The following ANKRD30A variants were observed in gnomAD, a reference collection of about 807,000 sequenced individuals.
ANKRD30A encodes ankyrin repeat domain 30A.
A neutral mutation model predicts 166.3 loss-of-function variants in ANKRD30A; 170 were observed. That is an observed-to-expected ratio of 1.02 (90% confidence interval 0.90 to 1.16). The LOEUF is 1.16. Ranked by LOEUF, ANKRD30A falls within the 50% of genes most tolerant of loss-of-function variation. ANKRD30A has a pLI of 0.00. For synonymous variants in ANKRD30A, 564 were observed against 508.9 expected (o/e 1.11, Z -1.46); for missense variants, 1,630 against 1,518.0 (o/e 1.07, Z -1.23).
At chr10:37,213,154 C>T (rs940134103) in intron 31 of ANKRD30A, among the ~76,000 whole-genome samples, 4 of 151,656 alleles carry the variant, frequency 2.6e-5, no homozygotes, top group Non-Finnish European at 4.4e-5. Context: ...GTTCTCTTTG[C>T]CTATTATTTA....
chr10:37,217,736 A>G lies in ANKRD30A; in HGVS notation c.3125A>G (p.Asp1042Gly), dbSNP rs762584191. ...NQEEEKRRNA[D>G]ILNEKIREEL... ...GAAGAAGAGAAGAGAAGAAATGCCG[A>G]TATATTAAATGAAAAAATTAGGGAA... Residue 1042 changes from aspartate to glycine, a missense_variant, in exon 33 of 36, where the codon GAT (aspartate) becomes GGT (glycine). This residue lies in a region of ANKRD30A where 712 missense variants were observed against 629.3 expected (regional missense o/e 1.13). Transcript: ENST00000361713. 1.2e-5 allele frequency: 19 copies of G among 1,593,820 alleles called. No homozygotes were observed. The highest frequency in any genetic ancestry group is 9.4e-6 in the Non-Finnish European group (11 of 1,170,944).
chr10:37,195,708 C>A (rs1175990118), intron 27 of ANKRD30A, among the ~76,000 whole-genome samples: 1 of 152,170 alleles, frequency 6.6e-6, no homozygotes, highest in Non-Finnish European at 1.5e-5. Context: ...TCCTGACTAA[C>A]ACAGTGAAAC....
chr10:37,148,128 G>A (rs562326559), intron 9 of ANKRD30A, among the ~76,000 whole-genome samples: 1 of 152,206 alleles, frequency 6.6e-6, no homozygotes, highest in South Asian at 2.1e-4. Context: ...GTATCATTCA[G>A]CATAATTGAG....
rs746866972 is a variant in ANKRD30A, at chr10:37,133,998, G to A, written c.700G>A (p.Ala234Thr). Residue 234 changes from alanine (A) to threonine (T), a missense_variant, in exon 5 of 36, where the codon GCA becomes ACA. Physicochemically the swap from Ala to Thr is moderately conservative, Grantham distance 58. Coordinates refer to ENST00000361713, the MANE Select transcript of ANKRD30A (RefSeq NM_052997.3). ...LLQQNVDVFA[A>T]DICGVTAEHY... Reference sequence around the variant, plus strand: ...TCAGCAAAATGTTGACGTCTTTGCTGCAGATATATGTGGAGTAACTGCAGA... The same window carrying A: ...TCAGCAAAATGTTGACGTCTTTGCTACAGATATATGTGGAGTAACTGCAGA... 1 of 1,613,994 alleles carries A rather than the reference G, an allele frequency of 6.2e-7. No individual in the cohort carries two copies.
At chr10:37,224,326 T>A (rs1314447102) in intron 34 of ANKRD30A, among the ~76,000 whole-genome samples, 3 of 151,182 alleles carry the variant, frequency 2.0e-5, no homozygotes, top group Non-Finnish European at 4.4e-5. Context: ...ATTATCTTGA[T>A]TAACGTTTCT....
At chr10:37,164,585 C>T (rs894179578) in intron 17 of ANKRD30A, among the ~76,000 whole-genome samples, 8 of 151,956 alleles carry the variant, frequency 5.3e-5, no homozygotes, top group Admixed American at 6.6e-5. Flanking sequence ...TCATAGCATA[C>T]GGAAATGTAA....
chr10:37,156,929 T>G (rs894288647), intron 13 of ANKRD30A, among the ~76,000 whole-genome samples: 10 of 152,186 alleles, frequency 6.6e-5, no homozygotes, highest in Non-Finnish European at 1.5e-4. Flanking sequence ...TTAAAATGGT[T>G]AGACATAAAT....
At chr10:37,220,024 TATATA>T (rs1194879950) in intron 34 of ANKRD30A, 127 bp downstream of exon 34, 1 of 145,652 alleles carries the variant, frequency 6.9e-6, no homozygotes, top group Non-Finnish European at 1.3e-5. Context: ...TATATATATA[TATATA>T]ATATATGTAT....
intron 31 of ANKRD30A, among the ~76,000 whole-genome samples, chr10:37,203,946 T>C (rs1841820353): frequency 6.6e-6 from 1 of 152,244 alleles, no homozygotes; most frequent in South Asian, 2.1e-4. Flanking sequence ...GTGAAGGACC[T>C]CTTCAAGGAG....
intron 24 of ANKRD30A, chr10:37,177,668 TCTCTG>T (rs1171916441): frequency 7.9e-7 from 1 of 1,271,598 alleles, no homozygotes; most frequent in Non-Finnish European, 1.1e-6. Context: ...TTTAACAGAG[TCTCTG>T]TGAGACTGTT....
intron 12 of ANKRD30A, 96 bp from the exon 13 acceptor site, chr10:37,153,476 T>C (rs568906899): frequency 9.0e-6 from 14 of 1,561,896 alleles, no homozygotes; most frequent in Non-Finnish European, 1.2e-5. Context: ...AAGGAGGAAA[T>C]TGTGTTTTTA....
chr10:37,264,652 T>C, the ANKRD30A span: 4 of 256,798 alleles, frequency 1.6e-5, no homozygotes, highest in Non-Finnish European at 2.3e-5. Flanking sequence ...GTATGCCAGA[T>C]TGGAAGTTTG....
chr10:37,144,868 A>G, intron 7 of ANKRD30A, 127 bp from the exon 8 acceptor site: 1 of 595,794 alleles, frequency 1.7e-6, no homozygotes, highest in South Asian at 2.8e-5. Flanking sequence ...GTGGTTATCT[A>G]CCAATAGAAT....
At chr10:37,172,559 T>TA (rs1839665693) in intron 21 of ANKRD30A, among the ~76,000 whole-genome samples, 1 of 146,368 alleles carries the variant, frequency 6.8e-6, no homozygotes, top group South Asian at 2.1e-4. Flanking sequence ...TTTTTTTTTT[T>TA]TTTTTTTAGT....
chr10:37,195,338 T>C (rs1307100360), intron 27 of ANKRD30A, among the ~76,000 whole-genome samples: 2 of 152,168 alleles, frequency 1.3e-5, no homozygotes, highest in Non-Finnish European at 2.9e-5. Flanking sequence ...CTGTGTCTCA[T>C]GGCGCTGTGC....
chr10:37,241,599 T>C, the ANKRD30A span, among the ~76,000 whole-genome samples: 1 of 152,124 alleles, frequency 6.6e-6, no homozygotes, highest in Non-Finnish European at 1.5e-5. Context: ...CTTTGTATCC[T>C]GTAATTTTTA....
chr10:37,149,973 A>G, intron 11 of ANKRD30A, 124 bp downstream of exon 11: 1 of 1,338,064 alleles, frequency 7.5e-7, no homozygotes, highest in South Asian at 1.5e-5. Context: ...AGATAATGCC[A>G]ATACTGGTAT....
the ANKRD30A span, chr10:37,262,430 G>C: frequency 6.5e-6 from 1 of 154,416 alleles, no homozygotes; most frequent in East Asian, 1.9e-4. Flanking sequence ...CATGGAAAGT[G>C]AAAATAACTC....
At chr10:37,126,099 G>A (rs111758094) in intron 1 of ANKRD30A, 91 bp downstream of exon 1, 40,597 of 1,388,176 alleles carry the variant, frequency 0.029, 755 homozygotes, top group Middle Eastern at 0.048. Context: ...GGGGCCTGGG[G>A]AAGAAGGGAG....
Sources: gnomAD v4.1 joint callset for allele counts (sites outside exome capture counted in the v4.1 genomes callset) on GRCh38, gnomAD v4.1.1 for gene constraint, gnomAD v4.1.1 regional missense constraint, MANE v1.5 for transcripts, NCBI Gene and HGNC (gene_info 2026-07-23, HGNC 2026-07-21) for gene names.